The following GRIN2B variants were observed in gnomAD, a reference collection of about 807,000 sequenced individuals.
GRIN2B encodes glutamate ionotropic receptor NMDA type subunit 2B.
A neutral mutation model predicts 114.5 loss-of-function variants in GRIN2B; 5 were observed. The observed-to-expected ratio is 0.04, with a 90% CI of 0.02 to 0.09. The LOEUF (loss-of-function observed/expected upper bound fraction) is 0.09. Among genes scored for constraint, GRIN2B ranks in the 10% least tolerant of loss-of-function variants. The probability of loss-of-function intolerance (pLI) is 1.00; values close to 1 mark genes in which losing one functional copy is unlikely to be tolerated. For synonymous variants in GRIN2B, 787 were observed against 745.1 expected (o/e 1.06, Z -0.92); for missense variants, 1,108 against 1,943.5 (o/e 0.57, Z 8.08).
chr12:13,840,794 T>C (rs548396158), intron 3 of GRIN2B, among the ~76,000 whole-genome samples: 1 of 151,758 alleles, frequency 6.6e-6, no homozygotes, highest in Non-Finnish European at 1.5e-5. Context: ...ATTCTCTGAG[T>C]TTTTTGTTGT....
At chr12:13,849,943 A>G (rs1865530805) in intron 3 of GRIN2B, among the ~76,000 whole-genome samples, 1 of 152,140 alleles carries the variant, frequency 6.6e-6, no homozygotes, top group South Asian at 2.1e-4. Flanking sequence ...TCACACAGAT[A>G]TCTTCCAAAC....
At chr12:13,701,380 C>T (rs1950311115) in intron 4 of GRIN2B, among the ~76,000 whole-genome samples, 1 of 152,020 alleles carries the variant, frequency 6.6e-6, no homozygotes, top group Admixed American at 6.6e-5. Flanking sequence ...ATAATCCTGT[C>T]AAAGCAATAC....
At chr12:13,947,606 C>A (rs968007870) in intron 2 of GRIN2B, among the ~76,000 whole-genome samples, 1 of 152,202 alleles carries the variant, frequency 6.6e-6, no homozygotes, top group Non-Finnish European at 1.5e-5. Flanking sequence ...TCAACATCCC[C>A]ATGGGTGTTC....
intron 2 of GRIN2B, among the ~76,000 whole-genome samples, chr12:13,942,973 G>A (rs990093442): frequency 7.2e-5 from 11 of 152,092 alleles, no homozygotes; most frequent in African/African-American, 1.7e-4. Context: ...GTCCCTCAGA[G>A]GCCCTCCCAT....
intron 3 of GRIN2B, among the ~76,000 whole-genome samples, chr12:13,802,439 T>G (rs1565542754): frequency 6.6e-6 from 1 of 152,138 alleles, no homozygotes; most frequent in Admixed American, 6.6e-5. Context: ...TTGGTACTAT[T>G]TGACCAAGTA....
chr12:13,933,020 CA>C (rs1867067084), intron 2 of GRIN2B, among the ~76,000 whole-genome samples: 1 of 149,822 alleles, frequency 6.7e-6, no homozygotes, highest in Non-Finnish European at 1.5e-5. Flanking sequence ...TGTGAATGGC[CA>C]CAGCTACTGT....
Position 13,753,009 on chromosome 12 carries a change from G to A in GRIN2B, c.1010+308C>T, listed in dbSNP as rs141963477. Among the ~76,000 whole-genome samples the A allele has an allele frequency of 0.015, 2,280 of 152,238 alleles. 27 individuals are homozygous for A. The highest frequency in any genetic ancestry group is 0.037 in the Middle Eastern group (11 of 294). On this transcript the variant is annotated intron_variant, in intron 4 of 13. Transcript: ENST00000609686. The surrounding 1 kb of genome is among the most constrained non-coding windows in gnomAD (Gnocchi z 6.2). ...TTTACACCTCCAAGCCTATTCTTTC[G>A]TATTGTAAAATAGAAACAATTGTTA...
intron 2 of GRIN2B, among the ~76,000 whole-genome samples, chr12:13,963,780 A>G (rs932499372): frequency 6.6e-6 from 1 of 152,182 alleles, no homozygotes; most frequent in Non-Finnish European, 1.5e-5. Context: ...TAGATGTTGA[A>G]TATTCAAGAT....
chr12:13,642,209 C>A (rs1163462412), intron 5 of GRIN2B, among the ~76,000 whole-genome samples: 6 of 151,688 alleles, frequency 4.0e-5, no homozygotes, highest in African/African-American at 9.7e-5. Context: ...AACAAACAAA[C>A]AAACAAACAA....
chr12:13,798,017 A>G (rs1392695849), intron 3 of GRIN2B, among the ~76,000 whole-genome samples: 20 of 152,220 alleles, frequency 1.3e-4, no homozygotes, highest in Admixed American at 1.2e-3. Context: ...TTAAGTCACA[A>G]CTATGATTCT....
intron 5 of GRIN2B, among the ~76,000 whole-genome samples, chr12:13,668,152 C>T (rs1949994561): frequency 6.6e-6 from 1 of 152,140 alleles, no homozygotes; most frequent in Admixed American, 6.6e-5. Flanking sequence ...ACTGTTTTTC[C>T]TGAAGCCAAG....
intron 4 of GRIN2B, among the ~76,000 whole-genome samples, chr12:13,705,243 C>T (rs61912094): frequency 0.065 from 9,907 of 152,164 alleles, 412 homozygotes; most frequent in East Asian, 0.18. Context: ...TCTCCATAAA[C>T]CACAAAGCCA....
intron 4 of GRIN2B, among the ~76,000 whole-genome samples, chr12:13,737,499 C>T (rs974393792): frequency 9.2e-5 from 14 of 152,286 alleles, no homozygotes; most frequent in Non-Finnish European, 1.8e-4. Context: ...GCTTGAACCA[C>T]TGTGTCCGGC....
chr12:13,767,167 G>A (rs556026033), intron 3 of GRIN2B, among the ~76,000 whole-genome samples: 2 of 151,664 alleles, frequency 1.3e-5, no homozygotes, highest in African/African-American at 4.8e-5. Flanking sequence ...GGCTGAGGCA[G>A]GAGAATGGCG....
chr12:13,938,569 A>T (rs1486833234), intron 2 of GRIN2B, among the ~76,000 whole-genome samples: 2 of 152,218 alleles, frequency 1.3e-5, no homozygotes, highest in African/African-American at 4.8e-5. Context: ...GGAACAAACT[A>T]CTGATATGTG....
At position 13,608,806 on chromosome 12, in the gene GRIN2B, C is replaced by T. The variant is rs1156304737; in HGVS notation, c.1807G>A (p.Gly603Ser). 6 of 1,613,948 alleles carry T rather than the reference C, an allele frequency of 3.7e-6. No individual in the cohort carries two copies. The highest frequency in any genetic ancestry group is 2.2e-5 in the South Asian group (2 of 91,062). ...REPGGPSFTI[G>S]KAIWLLWGLV... ...CCCCAGAGCAACCAAATAGCTTTGC[C>T]GATGGTGAAAGAGGGTCCACCAGGC... The change falls in exon 10 of 14, where the codon GGC (glycine) becomes AGC (serine). Residue 603 changes from glycine (G) to serine (S), a missense_variant. Transcript: ENST00000609686.
intron 4 of GRIN2B, among the ~76,000 whole-genome samples, chr12:13,710,997 C>T (rs1372114195): frequency 6.6e-6 from 1 of 152,084 alleles, no homozygotes; most frequent in Non-Finnish European, 1.5e-5. Context: ...GCCACAGTAA[C>T]CAAAACAGCA....
At chr12:13,952,659 C>T (rs1216361315) in intron 2 of GRIN2B, among the ~76,000 whole-genome samples, 1 of 152,062 alleles carries the variant, frequency 6.6e-6, no homozygotes, top group African/African-American at 2.4e-5. Context: ...AGTCTGTCTT[C>T]TTCTGGCCAT....
Position 13,569,811 on chromosome 12 carries a change from T to G in GRIN2B, c.2359+19A>C. 2 of 1,541,182 alleles carry G rather than the reference T, an allele frequency of 1.3e-6. No homozygotes were observed. Among genetic ancestry groups the G allele is most frequent in the Non-Finnish European group, 1.8e-6 (2 of 1,130,240 alleles). ...CATCAGTAGAGGACAAATGGGCACT[T>G]TCCCTTTCTTGAACTCACCATCTCC... On this transcript the variant is annotated intron_variant, in intron 12 of 13. Transcript: ENST00000609686.
Sources: allele counts gnomAD v4.1 joint callset (sites outside exome capture counted in the v4.1 genomes callset), GRCh38; gene constraint gnomAD v4.1.1; non-coding constraint Gnocchi (gnomAD v3.1); transcripts MANE v1.5; gene names NCBI Gene and HGNC (gene_info 2026-07-23, HGNC 2026-07-21).